BAIAP2: variants seen among roughly 807,000 people sequenced by gnomAD.
BAIAP2 encodes BAR/IMD domain-containing adapter protein 2.
BAIAP2 carries 18 observed loss-of-function variants against 63.0 expected under a neutral mutation model. The ratio of observed to expected loss-of-function variants is 0.29; its 90% CI spans 0.20 to 0.42. BAIAP2 has a LOEUF of 0.42. Among genes scored for constraint, BAIAP2 ranks in the 10% least tolerant of loss-of-function variants. The probability of loss-of-function intolerance (pLI) is 1.00; values close to 1 mark genes in which losing one functional copy is unlikely to be tolerated. For missense variants in BAIAP2, 610 were observed against 734.3 expected (o/e 0.83, Z 1.96); for synonymous variants, 386 against 307.6 (o/e 1.25, Z -2.67).
chr17:81,045,237 C>A (rs111702737), intron 1 of BAIAP2, among the ~76,000 whole-genome samples: 1 of 152,140 alleles, frequency 6.6e-6, no homozygotes, highest in Non-Finnish European at 1.5e-5. Flanking sequence ...TCGCAGAGGG[C>A]GTGCAGGTGT....
At chr17:81,069,947 T>TTTG (rs373352429) in intron 3 of BAIAP2, among the ~76,000 whole-genome samples, 2 of 152,152 alleles carry the variant, frequency 1.3e-5, no homozygotes, top group African/African-American at 4.8e-5. Context: ...TTCTTGGTTT[T>TTTG]TTGTTGTTGT....
chr17:81,062,397 T>A (rs1406629044), intron 3 of BAIAP2, among the ~76,000 whole-genome samples: 1 of 152,228 alleles, frequency 6.6e-6, no homozygotes, highest in East Asian at 1.9e-4. Context: ...ATGACGCCTT[T>A]GCTTTTCTGG....
In BAIAP2 at chr17:81,099,908, T is replaced by A; in HGVS notation, c.490-20T>A. The A allele has an allele frequency of 6.2e-7, 1 of 1,608,258 alleles. No homozygotes were observed. Among genetic ancestry groups the A allele is most frequent in the Non-Finnish European group, 8.5e-7 (1 of 1,176,286 alleles). ...CGTCCTTCCATCGCTGGCTGAGCCT[T>A]TCTCCCTTTCCCTCCACAGTACATC... On this transcript the variant is annotated intron_variant, in intron 6 of 13. Coordinates refer to ENST00000428708, the MANE Select transcript of BAIAP2 (RefSeq NM_001144888.2).
intron 3 of BAIAP2, among the ~76,000 whole-genome samples, chr17:81,072,292 C>T (rs576353692): frequency 6.6e-5 from 10 of 152,370 alleles, no homozygotes; most frequent in South Asian, 4.1e-4. Flanking sequence ...TGATTCCCTC[C>T]GGCTTCCTGC....
chr17:81,099,222 A>G (rs2058153218), intron 6 of BAIAP2, among the ~76,000 whole-genome samples: 1 of 149,562 alleles, frequency 6.7e-6, no homozygotes, highest in East Asian at 2.0e-4. Flanking sequence ...GATCCTCCCC[A>G]CGAACTTCCT....
At chr17:81,045,759 A>C (rs2047712699) in intron 1 of BAIAP2, among the ~76,000 whole-genome samples, 1 of 152,064 alleles carries the variant, frequency 6.6e-6, no homozygotes, top group Non-Finnish European at 1.5e-5. Context: ...TCGGTCTTCC[A>C]GGAGGGGCTG....
rs1192824370 is a variant in BAIAP2, at chr17:81,117,144, C to T, written c.*1305C>T. The T allele has an allele frequency of 1.3e-5, 2 of 152,142 alleles. No homozygotes were observed. The highest frequency in any genetic ancestry group is 2.9e-5 in the Non-Finnish European group (2 of 68,074). 9.4% of individuals were successfully genotyped at this position (152,142 alleles called of 1,614,324 possible). On this transcript the variant is annotated 3_prime_UTR_variant, in exon 14 of 14. Coordinates refer to ENST00000428708, the MANE Select transcript of BAIAP2 (RefSeq NM_001144888.2). ...CACACAGTAGGGCCAGAACACCATCCCCTCCACCGGGGTGTGCCGAGGACA... is the reference window on the plus strand; with the variant it reads ...CACACAGTAGGGCCAGAACACCATCTCCTCCACCGGGGTGTGCCGAGGACA...
At chr17:81,102,350 G>A (rs993861119) in intron 7 of BAIAP2, among the ~76,000 whole-genome samples, 1 of 152,198 alleles carries the variant, frequency 6.6e-6, no homozygotes, top group Admixed American at 6.5e-5. Context: ...CCTAGTGCTG[G>A]TCCCTGCTGG....
In BAIAP2 at chr17:81,075,787, C is replaced by T. The variant is rs565776227; in HGVS notation, c.218-9045C>T. Reference sequence around the variant, plus strand: ...GTGGGCCTCAAGTCCTGCTCCTCCCCTCCGTGGGCACATTGGGGCCCCCAG... The same window carrying T: ...GTGGGCCTCAAGTCCTGCTCCTCCCTTCCGTGGGCACATTGGGGCCCCCAG... On this transcript the variant is annotated intron_variant, in intron 3 of 13. Coordinates refer to ENST00000428708, the MANE Select transcript of BAIAP2 (RefSeq NM_001144888.2). Among the ~76,000 whole-genome samples, 13 of 152,366 alleles carry T rather than the reference C, an allele frequency of 8.5e-5. No homozygotes were observed. In the East Asian group the frequency reaches 2.3e-3, roughly 27 times the overall value.
intron 1 of BAIAP2, among the ~76,000 whole-genome samples, chr17:81,050,347 G>C (rs1474980256): frequency 2.8e-5 from 4 of 142,524 alleles, no homozygotes; most frequent in African/African-American, 7.7e-5. Context: ...AGGTGTCCTG[G>C]TGGCTGTTCC....
At position 81,115,944 on chromosome 17, in the gene BAIAP2, C is replaced by T. The variant is rs2060504878; in HGVS notation, c.*105C>T. On this transcript the variant is annotated 3_prime_UTR_variant, in exon 14 of 14. Coordinates refer to ENST00000428708, the MANE Select transcript of BAIAP2 (RefSeq NM_001144888.2). ...TCCTGTGTAGAGAACATCCAGGCCC[C>T]GGCTGCCTGGTCTTGCCCCACTTGA... is the stretch of plus-strand genomic sequence containing the variant. 24 of 1,543,220 alleles carry T rather than the reference C, an allele frequency of 1.6e-5. No individual in the cohort carries two copies. Among genetic ancestry groups the T allele is most frequent in the Middle Eastern group, 4.1e-4 (2 of 4,880 alleles).
intron 2 of BAIAP2, among the ~76,000 whole-genome samples, chr17:81,054,517 T>C (rs554120857): frequency 1.3e-5 from 2 of 152,178 alleles, no homozygotes; most frequent in Non-Finnish European, 2.9e-5. Flanking sequence ...CGCCCCTGCC[T>C]GTGCGGGCTG....
intron 12 of BAIAP2, chr17:81,107,442 C>G (rs1468197921): frequency 1.3e-5 from 2 of 153,734 alleles, no homozygotes; most frequent in African/African-American, 4.8e-5. Context: ...GGGCCTGGGT[C>G]CTAGGCCCTG....
intron 3 of BAIAP2, among the ~76,000 whole-genome samples, chr17:81,066,753 C>G (rs147581778): frequency 1.3e-5 from 2 of 152,340 alleles, no homozygotes; most frequent in East Asian, 1.9e-4. Flanking sequence ...GCCTCCTGCT[C>G]TCTGTGAGGC....
intron 2 of BAIAP2, among the ~76,000 whole-genome samples, chr17:81,054,147 G>A (rs1292991550): frequency 2.0e-5 from 1 of 50,596 alleles, no homozygotes; most frequent in Admixed American, 2.3e-4. Context: ...CCCGGACCCC[G>A]TGGGGTGGGA....
intron 5 of BAIAP2, 94 bp downstream of exon 5, chr17:81,085,819 A>C: frequency 2.0e-6 from 2 of 977,768 alleles, no homozygotes; most frequent in Non-Finnish European, 3.2e-6. Context: ...AAGGCTTCCC[A>C]CTTCCCCGAG....
intron 4 of BAIAP2, chr17:81,085,215 C>T: frequency 2.0e-6 from 1 of 511,558 alleles, no homozygotes; most frequent in South Asian, 2.1e-5. Context: ...TTCCCCTGGC[C>T]TCTCCGACTG....
intron 3 of BAIAP2, among the ~76,000 whole-genome samples, chr17:81,070,891 G>A (rs1335622764): frequency 2.0e-5 from 3 of 152,214 alleles, no homozygotes; most frequent in Non-Finnish European, 4.4e-5. Flanking sequence ...CATCCTTGGA[G>A]CCGGCGGGTT....
intron 7 of BAIAP2, among the ~76,000 whole-genome samples, chr17:81,101,092 C>T (rs1190829244): frequency 5.9e-5 from 9 of 152,012 alleles, no homozygotes; most frequent in East Asian, 1.9e-4. Context: ...AGGTGTCCCC[C>T]GGCACAGTCC....
Sources: allele counts gnomAD v4.1 joint callset (sites outside exome capture counted in the v4.1 genomes callset), GRCh38; gene constraint gnomAD v4.1.1; transcripts MANE v1.5; gene names NCBI Gene and HGNC (gene_info 2026-07-23, HGNC 2026-07-21).